The following EIF2AK3 variants were observed in gnomAD, a reference collection of about 807,000 sequenced individuals.
EIF2AK3 encodes the protein eukaryotic translation initiation factor 2 alpha kinase 3, also known as eukaryotic translation initiation factor 2-alpha kinase 3.
A neutral mutation model predicts 113.5 loss-of-function variants in EIF2AK3; 50 were observed. That is an observed-to-expected ratio of 0.44 (90% CI 0.35 to 0.56). EIF2AK3 has a LOEUF of 0.56. Ranked by LOEUF, EIF2AK3 falls within the 20% of genes least tolerant of loss-of-function variation. The pLI is 0.00. For synonymous variants in EIF2AK3, 448 were observed against 495.4 expected, an observed-to-expected ratio of 0.90 and a Z score of 1.27; for missense variants, 1,185 against 1,378.0, an observed-to-expected ratio of 0.86 and a Z score of 2.22.
chr2:88,585,729 G>A, intron 9 of EIF2AK3, 112 bp downstream of exon 9: 11 of 1,000,434 alleles, frequency 1.1e-5, no homozygotes, highest in Non-Finnish European at 1.6e-5. Flanking sequence ...GAGAACTTTG[G>A]CAAGAGTAGC....
intron 11 of EIF2AK3, among the ~76,000 whole-genome samples, chr2:88,578,079 T>G (rs1032142507): frequency 6.6e-6 from 1 of 152,222 alleles, no homozygotes; most frequent in Non-Finnish European, 1.5e-5. Context: ...TTATCACTTA[T>G]GTAGTGCCTG....
rs747376208 is a variant in EIF2AK3, at chr2:88,585,890, A to G, written c.1601T>C (p.Ile534Thr). The change falls in exon 9 of 17, where the codon ATA becomes ACA. Residue 534 changes from isoleucine (I) to threonine (T), a missense_variant. This residue lies in a region of EIF2AK3 where 877 missense variants were observed against 1,024.2 expected (regional missense o/e 0.86). Transcript: ENST00000303236. ...EIVATILFCI[I>T]ATTFIVRRLF... The stretch of plus-strand genomic sequence containing the variant: ...CCTGCGCACAATAAACGTTGTTGCT[A>G]TGATACAAAACAAAATCGTTGCAAC... 31 of 1,614,038 alleles carry G rather than the reference A, an allele frequency of 1.9e-5. No homozygotes were observed. The East Asian group carries it at 5.8e-4, about 30-fold the overall frequency.
intron 4 of EIF2AK3, among the ~76,000 whole-genome samples, chr2:88,592,970 C>T (rs1674923530): frequency 6.6e-6 from 1 of 151,910 alleles, no homozygotes; most frequent in African/African-American, 2.4e-5. Flanking sequence ...GGTGAAACCC[C>T]GTCTCTACTA....
At chr2:88,577,806 AT>A (rs1343566936) in intron 11 of EIF2AK3, among the ~76,000 whole-genome samples, 1 of 152,078 alleles carries the variant, frequency 6.6e-6, no homozygotes, top group African/African-American at 2.4e-5. Flanking sequence ...GGGCCATTTC[AT>A]GCACTTGGCC....
intron 14 of EIF2AK3, among the ~76,000 whole-genome samples, chr2:88,565,906 T>C (rs1674106731): frequency 6.6e-6 from 1 of 152,208 alleles, no homozygotes; most frequent in Non-Finnish European, 1.5e-5. Flanking sequence ...AATAGATTTA[T>C]TTTATTTATT....
chr2:88,558,037 C>T (rs1289430258), intron 16 of EIF2AK3, 101 bp from the exon 17 acceptor site: 4 of 1,243,124 alleles, frequency 3.2e-6, no homozygotes, highest in Non-Finnish European at 4.6e-6. Context: ...ATATTTTAAG[C>T]TTTTGAGCCA....
At chr2:88,598,566 A>G (rs865974175) in intron 2 of EIF2AK3, among the ~76,000 whole-genome samples, 1 of 152,184 alleles carries the variant, frequency 6.6e-6, no homozygotes, top group African/African-American at 2.4e-5. Context: ...CATTTTAAAA[A>G]TAACAGAGAA....
chr2:88,562,241 G>A (rs1434576686), intron 15 of EIF2AK3, 48 bp downstream of exon 15: 1 of 1,466,000 alleles, frequency 6.8e-7, no homozygotes, highest in Non-Finnish European at 9.6e-7. Context: ...GTAAATGTTA[G>A]ATTATTTTCT....
intron 2 of EIF2AK3, among the ~76,000 whole-genome samples, chr2:88,604,737 G>C (rs1675228137): frequency 6.6e-6 from 1 of 152,180 alleles, no homozygotes; most frequent in East Asian, 1.9e-4. Context: ...TATCCCACTA[G>C]GGTTGTCCTA....
intron 1 of EIF2AK3, among the ~76,000 whole-genome samples, chr2:88,623,691 T>C (rs1675789383): frequency 6.6e-6 from 1 of 152,164 alleles, no homozygotes; most frequent in Admixed American, 6.5e-5. Flanking sequence ...ATTCTCTGGG[T>C]TTTTATCTTT....
chr2:88,585,584 G>A (rs1674699864), intron 9 of EIF2AK3, among the ~76,000 whole-genome samples: 1 of 152,168 alleles, frequency 6.6e-6, no homozygotes, highest in Non-Finnish European at 1.5e-5. Flanking sequence ...CACCCAAGGA[G>A]ACCAGGAGAG....
Position 88,627,254 on chromosome 2 carries a change from C to T in EIF2AK3, c.21G>A (p.Pro7=). The T allele has an allele frequency of 6.7e-7, 1 of 1,486,900 alleles. No homozygotes were observed. Among genetic ancestry groups the T allele is most frequent in the Non-Finnish European group, 8.9e-7 (1 of 1,124,388 alleles). The allele number at this position is 1,486,900 out of a possible 1,614,324, so 92.1% of individuals were successfully genotyped here. Residue 7 remains proline (P), a synonymous_variant, in exon 1 of 17, where the codon CCG becomes CCA. Transcript: ENST00000303236. ...GCAGCAGCGCCCGTACCAGCAGCCC[C>T]GGGCTGATGGCGCGCTCCATCAGCG... is the stretch of plus-strand genomic sequence containing the variant. The part of the protein sequence containing the change: MERAIS[P]GLLVRALLLL...
At chr2:88,559,676 C>T (rs1367699810) in intron 15 of EIF2AK3, among the ~76,000 whole-genome samples, 3 of 151,978 alleles carry the variant, frequency 2.0e-5, no homozygotes, top group Admixed American at 1.3e-4. Context: ...TATGGAGTTG[C>T]CTCTTCTGAA....
At chr2:88,601,839 T>TC (rs916459683) in intron 2 of EIF2AK3, among the ~76,000 whole-genome samples, 6 of 147,072 alleles carry the variant, frequency 4.1e-5, no homozygotes, top group African/African-American at 1.0e-4. Flanking sequence ...TTTTTCTTTT[T>TC]TTTTTTTTTT....
intron 6 of EIF2AK3, among the ~76,000 whole-genome samples, chr2:88,589,962 G>A (rs952285365): frequency 6.6e-6 from 1 of 152,198 alleles, no homozygotes; most frequent in Non-Finnish European, 1.5e-5. Context: ...ATTGGGCTGG[G>A]CGTGGTGGCT....
Position 88,558,916 on chromosome 2 carries a change from C to A in EIF2AK3, c.3150+1G>T. 1 of 1,593,718 alleles carries A rather than the reference C, an allele frequency of 6.3e-7. No individual in the cohort carries two copies. On this transcript the variant is annotated splice_donor_variant, in intron 16 of 16. Coordinates refer to ENST00000303236, the MANE Select transcript of EIF2AK3 (RefSeq NM_004836.7). LOFTEE classifies it high-confidence loss of function. ...AGATAAAAGATGAGAATTACACATA[C>A]CTCACAAGGATATTTCTGAGTAAAT...
At chr2:88,596,847 G>A (rs1387546735) in intron 2 of EIF2AK3, among the ~76,000 whole-genome samples, 1 of 152,170 alleles carries the variant, frequency 6.6e-6, no homozygotes, top group Non-Finnish European at 1.5e-5. Context: ...CAAAAGAAAG[G>A]AGTCCAGGAT....
At chr2:88,588,356 A>G (rs1252187014) in intron 7 of EIF2AK3, among the ~76,000 whole-genome samples, 3 of 152,220 alleles carry the variant, frequency 2.0e-5, no homozygotes, top group African/African-American at 7.2e-5. Flanking sequence ...CAAGGTTTAG[A>G]AAGATAATGA....
chr2:88,601,929 G>A (rs1055445483), intron 2 of EIF2AK3, among the ~76,000 whole-genome samples: 4 of 137,346 alleles, frequency 2.9e-5, no homozygotes, highest in African/African-American at 1.1e-4. Context: ...TCGGCTCACT[G>A]CAACCTCCAC....
Sources: gnomAD v4.1 joint callset for allele counts (sites outside exome capture counted in the v4.1 genomes callset) on GRCh38, gnomAD v4.1.1 for gene constraint, gnomAD v4.1.1 regional missense constraint, MANE v1.5 for transcripts, NCBI Gene and HGNC (gene_info 2026-07-23, HGNC 2026-07-21) for gene names.